OSBPL8: variants seen among roughly 807,000 people sequenced by gnomAD.
The protein encoded by OSBPL8 is oxysterol-binding protein-related protein 8.
OSBPL8 carries 59 observed loss-of-function variants against 125.5 expected under a neutral mutation model. The observed-to-expected ratio is 0.47, with a 90% CI of 0.38 to 0.58. The LOEUF (loss-of-function observed/expected upper bound fraction) is 0.58. OSBPL8 is among the 20% of genes least tolerant of loss of function. The pLI is 0.00. For missense variants in OSBPL8, 758 were observed against 1,047.8 expected (o/e 0.72, Z 3.82); for synonymous variants, 330 against 338.9 (o/e 0.97, Z 0.29).
chr12:76,356,171 G>C (rs1592504814), intron 23 of OSBPL8, 150 bp from the exon 24 acceptor site: 1 of 309,750 alleles, frequency 3.2e-6, no homozygotes, highest in Non-Finnish European at 5.9e-6. Context: ...GTGGGGGGGG[G>C]CGGGGTCTGG....
intron 1 of OSBPL8, among the ~76,000 whole-genome samples, chr12:76,522,949 T>A (rs1950064127): frequency 6.6e-6 from 1 of 152,206 alleles, no homozygotes; most frequent in Non-Finnish European, 1.5e-5. Flanking sequence ...GTGATCTTCC[T>A]ACCTCAGCCT....
Position 76,355,835 on chromosome 12 carries a change from G to A in OSBPL8, c.*54C>T, listed in dbSNP as rs1951962846. The A allele has an allele frequency of 1.3e-6, 2 of 1,561,316 alleles. No individual in the cohort carries two copies. The highest frequency in any genetic ancestry group is 2.8e-5 in the African/African-American group (2 of 72,038). On this transcript the variant is annotated 3_prime_UTR_variant, in exon 24 of 24. Transcript: ENST00000261183. ...TAAAGACCAAACCAACTTGAACACTGGTCCCAGGCCAAATCAGATCTTTCT... is the reference window on the plus strand; with the variant it reads ...TAAAGACCAAACCAACTTGAACACTAGTCCCAGGCCAAATCAGATCTTTCT...
chr12:76,424,736 CAA>C (rs373568519), intron 4 of OSBPL8, among the ~76,000 whole-genome samples: 26 of 152,020 alleles, frequency 1.7e-4, no homozygotes, highest in East Asian at 3.8e-4. Context: ...AGATGATACA[CAA>C]AGTCTTAAAA....
rs535306694 is a variant in OSBPL8 at position 76,392,850 on chromosome 12, T to G, written c.758-98A>C. 4.2e-5 allele frequency: 52 copies of G among 1,242,634 alleles called. No individual in the cohort carries two copies. The African/African-American group carries it at 7.1e-4, about 17-fold the overall frequency. 77.0% of individuals were successfully genotyped at this position (1,242,634 alleles called of 1,614,324 possible). On this transcript the variant is annotated intron_variant, in intron 9 of 23. Coordinates refer to ENST00000261183, the MANE Select transcript of OSBPL8 (RefSeq NM_020841.5). ...GTTACCACTATTTCTTTGAGAAACA[T>G]GCACTGGAAAAGTTAATCTGAACAT...
At chr12:76,357,383 T>G (rs758263061) in intron 22 of OSBPL8, among the ~76,000 whole-genome samples, 1 of 152,316 alleles carries the variant, frequency 6.6e-6, no homozygotes, top group South Asian at 2.1e-4. Context: ...TATAGTAATA[T>G]AGTAAAGTGG....
intron 1 of OSBPL8, among the ~76,000 whole-genome samples, chr12:76,512,444 C>A (rs1020859421): frequency 2.6e-5 from 4 of 152,094 alleles, no homozygotes; most frequent in African/African-American, 9.7e-5. Flanking sequence ...AATATAAAGT[C>A]TTTTTCCCAT....
At chr12:76,469,368 T>C (rs2136904222) in intron 2 of OSBPL8, among the ~76,000 whole-genome samples, 1 of 152,270 alleles carries the variant, frequency 6.6e-6, no homozygotes, top group African/African-American at 2.4e-5. Context: ...GCATAACAAA[T>C]AGATATTCCA....
In OSBPL8 at chr12:76,352,574, C is replaced by T. The variant is rs1358889656; in HGVS notation, c.*3315G>A. On this transcript the variant is annotated 3_prime_UTR_variant, in exon 24 of 24. Transcript: ENST00000261183. ...AACTTACTGATTTCTGTGGGATTTT[C>T]CCCACTGGTTCAAATTGGAAAATTT... The T allele has an allele frequency of 6.6e-6, 1 of 152,458 alleles. No homozygotes were observed. Among genetic ancestry groups the T allele is most frequent in the Non-Finnish European group, 1.5e-5 (1 of 67,928 alleles). 9.4% of individuals were successfully genotyped at this position (152,458 alleles called of 1,614,324 possible).
At chr12:76,450,793 C>T in intron 4 of OSBPL8, 58 bp downstream of exon 4, 1 of 1,492,406 alleles carries the variant, frequency 6.7e-7, no homozygotes, top group Non-Finnish European at 9.0e-7. Flanking sequence ...TTCTCCCCTT[C>T]TCCCCTCCAA....
intron 1 of OSBPL8, among the ~76,000 whole-genome samples, chr12:76,548,397 G>C (rs1950842161): frequency 6.6e-6 from 1 of 152,158 alleles, no homozygotes; most frequent in Non-Finnish European, 1.5e-5. Flanking sequence ...GTACAGCAGA[G>C]GGTGGAAATA....
Position 76,436,746 on chromosome 12 carries a change from AAAAG to A in OSBPL8, c.217+14101_217+14104del, listed in dbSNP as rs1178071620. Among the ~76,000 whole-genome samples, 9 of 152,286 alleles carry A rather than the reference AAAAG, an allele frequency of 5.9e-5. No individual in the cohort carries two copies. In the East Asian group the frequency reaches 7.7e-4, roughly 13 times the overall value. ...TAACAGTCCACAAACTATACCTTTGAAAAGAAAGAATAAACATTTATTTTAAATA... is the reference window on the plus strand; with the variant it reads ...TAACAGTCCACAAACTATACCTTTGAAAAGAATAAACATTTATTTTAAATA... On this transcript the variant is annotated intron_variant, in intron 4 of 23. Coordinates refer to ENST00000261183, the MANE Select transcript of OSBPL8 (RefSeq NM_020841.5).
At chr12:76,375,432 A>G in intron 16 of OSBPL8, 62 bp from the exon 17 acceptor site, 2 of 1,057,408 alleles carry the variant, frequency 1.9e-6, no homozygotes, top group Non-Finnish European at 2.9e-6. Flanking sequence ...GGCTCACGAT[A>G]AACAGTTTAG....
intron 2 of OSBPL8, among the ~76,000 whole-genome samples, chr12:76,468,848 T>C (rs780060552): frequency 5.3e-5 from 8 of 152,358 alleles, no homozygotes; most frequent in Middle Eastern, 3.4e-3. Flanking sequence ...GTATCTGTAA[T>C]GTCCAACAGG....
chr12:76,378,512 A>T lies in OSBPL8; in HGVS notation c.1669T>A (p.Leu557Ile), dbSNP rs756099470. ...LSAILEGEAR[L>I]TFLNRGEDYV... ...TCTTCACCTCTATTCAAGAAAGTTA[A>T]CCGTGCTTCTCCCTCTAATATTGCA... The change falls in exon 16 of 24, where the codon TTA becomes ATA. Residue 557 changes from leucine (L) to isoleucine (I), a missense_variant. This residue lies in a region of OSBPL8 where 572 missense variants were observed against 762.0 expected (regional missense o/e 0.75). Coordinates refer to ENST00000261183, the MANE Select transcript of OSBPL8 (RefSeq NM_020841.5). 1 of 1,606,976 alleles carries T rather than the reference A, an allele frequency of 6.2e-7. No homozygotes were observed. Among genetic ancestry groups the T allele is most frequent in the South Asian group, 1.1e-5 (1 of 90,608 alleles).
intron 15 of OSBPL8, among the ~76,000 whole-genome samples, chr12:76,380,157 T>C (rs1432628152): frequency 6.6e-6 from 1 of 152,176 alleles, no homozygotes; most frequent in East Asian, 1.9e-4. Flanking sequence ...CTTGCCAATA[T>C]CTTCAAAAAA....
intron 2 of OSBPL8, among the ~76,000 whole-genome samples, chr12:76,473,826 C>T (rs1446173312): frequency 6.6e-6 from 1 of 152,150 alleles, no homozygotes; most frequent in Non-Finnish European, 1.5e-5. Context: ...ACCCCTGGAG[C>T]CAAAATGTAT....
chr12:76,393,390 T>C (rs1953645892), intron 9 of OSBPL8, among the ~76,000 whole-genome samples: 1 of 152,128 alleles, frequency 6.6e-6, no homozygotes, highest in Non-Finnish European at 1.5e-5. Context: ...ATCTTCATAT[T>C]GAAAGCTCAT....
chr12:76,399,432 C>A (rs1330768232), intron 7 of OSBPL8, among the ~76,000 whole-genome samples: 1 of 152,140 alleles, frequency 6.6e-6, no homozygotes, highest in Non-Finnish European at 1.5e-5. Context: ...GTGTGCTTGT[C>A]TGATAATTAA....
At chr12:76,479,462 T>C (rs1043390221) in intron 2 of OSBPL8, among the ~76,000 whole-genome samples, 6 of 152,214 alleles carry the variant, frequency 3.9e-5, no homozygotes, top group African/African-American at 1.4e-4. Context: ...CAGCCTCCAC[T>C]TTTCTAACCC....
Sources: allele counts gnomAD v4.1 joint callset (sites outside exome capture counted in the v4.1 genomes callset), GRCh38; gene constraint gnomAD v4.1.1; regional missense constraint gnomAD v4.1.1; transcripts MANE v1.5; gene names NCBI Gene and HGNC (gene_info 2026-07-23, HGNC 2026-07-21).